BABAM2: variants seen among roughly 807,000 people sequenced by gnomAD.
BABAM2 encodes the protein BRISC and BRCA1 A complex member 2, also known as BRISC and BRCA1-A complex member 2.
Under a neutral mutation model 54.7 loss-of-function variants are expected in BABAM2, and 31 were observed. The observed-to-expected ratio is 0.57, with a 90% CI of 0.43 to 0.77. The LOEUF (loss-of-function observed/expected upper bound fraction) is 0.77. Ranked by LOEUF, BABAM2 falls within the 30% of genes least tolerant of loss-of-function variation. The pLI, the probability that BABAM2 is intolerant of heterozygous loss-of-function variation, is 0.00. For missense variants in BABAM2, 364 were observed against 455.8 expected, an observed-to-expected ratio of 0.80 and a Z score of 1.83; for synonymous variants, 167 against 162.9, an observed-to-expected ratio of 1.03 and a Z score of -0.19.
chr2:27,991,805 T>C (rs909834992), intron 4 of BABAM2, among the ~76,000 whole-genome samples: 1 of 152,206 alleles, frequency 6.6e-6, no homozygotes, highest in Non-Finnish European at 1.5e-5. Context: ...GACTTACAGG[T>C]TGTTGCCGTA....
chr2:28,091,173 G>C (rs1392614557), intron 6 of BABAM2, among the ~76,000 whole-genome samples: 1 of 151,972 alleles, frequency 6.6e-6, no homozygotes, highest in Non-Finnish European at 1.5e-5. Context: ...TAAGCCTTTT[G>C]TTTTCTAGTC....
At chr2:28,187,294 T>TAGAG (rs1206905480) in intron 7 of BABAM2, among the ~76,000 whole-genome samples, 1 of 152,142 alleles carries the variant, frequency 6.6e-6, no homozygotes, top group East Asian at 1.9e-4. Flanking sequence ...GAAGGGCCAC[T>TAGAG]AGAGCATCTT....
chr2:28,135,628 AAACTCATC>A (rs1454527353), intron 7 of BABAM2, among the ~76,000 whole-genome samples: 1 of 152,136 alleles, frequency 6.6e-6, no homozygotes, highest in Non-Finnish European at 1.5e-5. Flanking sequence ...GCCTGAAACT[AAACTCATC>A]ATTCCCCCAA....
At chr2:28,244,964 C>T (rs2148078364) in intron 10 of BABAM2, 102 bp downstream of exon 10, 3 of 946,470 alleles carry the variant, frequency 3.2e-6, no homozygotes, top group Non-Finnish European at 3.2e-6. Flanking sequence ...GTCTCGGTTC[C>T]TTTTACTGTA....
At chr2:28,334,253 C>T (rs909011025) in intron 11 of BABAM2, among the ~76,000 whole-genome samples, 3 of 152,222 alleles carry the variant, frequency 2.0e-5, no homozygotes, top group Admixed American at 6.5e-5. Context: ...TGTTGTAGCC[C>T]CTTCCCCTAG....
At chr2:27,966,157 C>T (rs962110740) in intron 3 of BABAM2, among the ~76,000 whole-genome samples, 2 of 152,138 alleles carry the variant, frequency 1.3e-5, no homozygotes, top group African/African-American at 2.4e-5. Flanking sequence ...AACCTTCAGT[C>T]GTCTTTGCTT....
chr2:27,957,351 T>A (rs928923432), intron 3 of BABAM2, among the ~76,000 whole-genome samples: 1 of 152,230 alleles, frequency 6.6e-6, no homozygotes, highest in Admixed American at 6.5e-5. Context: ...GGCCTCCATT[T>A]TTTTTGGCAC....
chr2:28,311,828 A>G (rs1452401234), intron 11 of BABAM2, among the ~76,000 whole-genome samples: 1 of 152,222 alleles, frequency 6.6e-6, no homozygotes, highest in Non-Finnish European at 1.5e-5. Context: ...CAAATTGAAA[A>G]CATTACTAAA....
intron 5 of BABAM2, among the ~76,000 whole-genome samples, chr2:28,036,213 TA>T (rs965465364): frequency 8.1e-4 from 123 of 152,312 alleles, no homozygotes; most frequent in African/African-American, 2.9e-3. Flanking sequence ...AGGCGGGTTT[TA>T]ATGCCTTTTT....
intron 10 of BABAM2, among the ~76,000 whole-genome samples, chr2:28,255,929 G>A (rs959216411): frequency 5.3e-5 from 8 of 152,296 alleles, no homozygotes; most frequent in African/African-American, 1.9e-4. Context: ...GCCTCCCAAA[G>A]TGCTGAGATT....
chr2:28,083,525 A>C (rs1051210700), intron 6 of BABAM2, among the ~76,000 whole-genome samples: 5 of 152,180 alleles, frequency 3.3e-5, no homozygotes, highest in Admixed American at 6.5e-5. Flanking sequence ...CATTTGTTTT[A>C]ATAACTATTA....
At chr2:27,944,176 A>C (rs1171530097) in intron 3 of BABAM2, among the ~76,000 whole-genome samples, 2 of 152,152 alleles carry the variant, frequency 1.3e-5, no homozygotes, top group Non-Finnish European at 2.9e-5. Context: ...TTATCGACAC[A>C]ATAACTCTTA....
chr2:27,952,948 AC>A (rs1185540555), intron 3 of BABAM2, among the ~76,000 whole-genome samples: 1 of 152,172 alleles, frequency 6.6e-6, no homozygotes, highest in Non-Finnish European at 1.5e-5. Flanking sequence ...AAGATAATTA[AC>A]TTTTGATTCT....
chr2:27,999,088 A>G (rs555047381), intron 4 of BABAM2, among the ~76,000 whole-genome samples: 1 of 152,042 alleles, frequency 6.6e-6, no homozygotes, highest in South Asian at 2.1e-4. Context: ...TCTTCTGTAC[A>G]TTTGTGAGAA....
intron 10 of BABAM2, among the ~76,000 whole-genome samples, chr2:28,290,344 G>T (rs565221859): frequency 6.6e-6 from 1 of 152,296 alleles, no homozygotes; most frequent in East Asian, 1.9e-4. Flanking sequence ...GAGTGGAATT[G>T]CTGTGTCGTG....
At chr2:27,921,947 A>ACAT (rs1490593787) in intron 2 of BABAM2, among the ~76,000 whole-genome samples, 3 of 152,292 alleles carry the variant, frequency 2.0e-5, no homozygotes, top group Non-Finnish European at 2.9e-5. Flanking sequence ...AATCATGAAA[A>ACAT]GAGTACAACA....
intron 7 of BABAM2, among the ~76,000 whole-genome samples, chr2:28,171,209 T>C (rs1036320639): frequency 1.3e-5 from 2 of 152,148 alleles, no homozygotes; most frequent in Admixed American, 6.5e-5. Flanking sequence ...TACTGATGGA[T>C]CTGAGTTTAC....
At chr2:28,335,791 T>C (rs944728789) in intron 11 of BABAM2, among the ~76,000 whole-genome samples, 8 of 152,028 alleles carry the variant, frequency 5.3e-5, no homozygotes, top group Admixed American at 2.0e-4. Flanking sequence ...ATGGCATGTG[T>C]GAGGAAGAGC....
chr2:27,890,262 C>G (rs764299524), upstream of BABAM2: 8 of 1,613,720 alleles, frequency 5.0e-6, no homozygotes, highest in East Asian at 1.1e-4. This position sits in a 1 kb window ranked among gnomAD's most constrained non-coding sequence, Gnocchi z 4.8. Context: ...CTAACCTGAC[C>G]AGGTCGGTCA....
Sources: gnomAD v4.1 joint callset for allele counts (sites outside exome capture counted in the v4.1 genomes callset) on GRCh38, gnomAD v4.1.1 for gene constraint, Gnocchi (gnomAD v3.1) non-coding constraint, MANE v1.5 for transcripts, NCBI Gene and HGNC (gene_info 2026-07-23, HGNC 2026-07-21) for gene names.